Variants in CCDC150 observed in about 807,000 individuals in gnomAD.
CCDC150 encodes the protein coiled-coil domain containing 150.
CCDC150 carries 151 observed loss-of-function variants against 156.5 expected under a neutral mutation model. The observed-to-expected ratio is 0.97, with a 90% confidence interval of 0.85 to 1.10. The LOEUF (loss-of-function observed/expected upper bound fraction) is 1.10. Ranked by LOEUF, CCDC150 falls within the 50% of genes least tolerant of loss-of-function variation. The pLI, the probability that CCDC150 is intolerant of heterozygous loss-of-function variation, is 0.00. For synonymous variants in CCDC150, 452 were observed against 429.4 expected, an observed-to-expected ratio of 1.05 and a Z score of -0.65; for missense variants, 1,312 against 1,268.1, an observed-to-expected ratio of 1.03 and a Z score of -0.53.
At chr2:196,726,334 G>A (rs1308892418) in intron 22 of CCDC150, 1 of 405,474 alleles carries the variant, frequency 2.5e-6, no homozygotes, top group Non-Finnish European at 4.6e-6. Flanking sequence ...AGAGTGATAA[G>A]CAAGAGGGAT....
intron 2 of CCDC150, among the ~76,000 whole-genome samples, chr2:196,653,963 A>G (rs1041329251): frequency 6.6e-6 from 1 of 152,198 alleles, no homozygotes; most frequent in Non-Finnish European, 1.5e-5. Context: ...TGGAAGGCAA[A>G]GGGGGAGCAG....
Position 196,732,476 on chromosome 2 carries a change from A to G in CCDC150, c.3220A>G (p.Asn1074Asp). The G allele has an allele frequency of 6.2e-7, 1 of 1,613,670 alleles. No individual in the cohort carries two copies. Among genetic ancestry groups the G allele is most frequent in the Non-Finnish European group, 8.5e-7 (1 of 1,179,676 alleles). Reference sequence around the variant, plus strand: ...AGATGTAAAACATGATGTCATGTCCAACCAATCTGTTCTGCATCGATGGGA... The same window carrying G: ...AGATGTAAAACATGATGTCATGTCCGACCAATCTGTTCTGCATCGATGGGA... ...DQDVKHDVMSNQSVLHRWERK... is the reference protein window; with the variant it reads ...DQDVKHDVMSDQSVLHRWERK... Residue 1074 changes from asparagine (N) to aspartate (D), a missense_variant, in exon 28 of 28, where the codon AAC (asparagine) becomes GAC (aspartate). Physicochemically the swap from Asn to Asp is conservative, Grantham distance 23 (BLOSUM62 1). Coordinates refer to ENST00000389175, the MANE Select transcript of CCDC150 (RefSeq NM_001080539.2).
chr2:196,702,518 C>A (rs1354952282), intron 15 of CCDC150, among the ~76,000 whole-genome samples: 3 of 151,918 alleles, frequency 2.0e-5, no homozygotes, highest in African/African-American at 7.3e-5. Flanking sequence ...CAGCACCATA[C>A]CCAGCCAAGT....
intron 15 of CCDC150, among the ~76,000 whole-genome samples, chr2:196,709,381 G>GT (rs1181980235): frequency 6.6e-6 from 1 of 152,078 alleles, no homozygotes; most frequent in Non-Finnish European, 1.5e-5. Flanking sequence ...TCTCTACACT[G>GT]TTTTTTCTAG....
At chr2:196,666,942 G>C in intron 7 of CCDC150, 94 bp downstream of exon 7, 1 of 1,366,312 alleles carries the variant, frequency 7.3e-7, no homozygotes, top group Non-Finnish European at 1.0e-6. Context: ...AGTGGCCAGT[G>C]TTATTGGTAT....
At chr2:196,676,376 T>G in intron 11 of CCDC150, 109 bp downstream of exon 11, 8 of 1,448,612 alleles carry the variant, frequency 5.5e-6, no homozygotes, top group Non-Finnish European at 7.5e-6. Context: ...GATTCTGCAT[T>G]TTTTGGGCCA....
intron 13 of CCDC150, among the ~76,000 whole-genome samples, chr2:196,686,939 T>C (rs1326730950): frequency 6.6e-6 from 1 of 152,204 alleles, no homozygotes; most frequent in Non-Finnish European, 1.5e-5. Context: ...GGACGTGATC[T>C]CATTCTTTTT....
At chr2:196,699,853 G>A (rs1696091243) in intron 14 of CCDC150, among the ~76,000 whole-genome samples, 1 of 152,136 alleles carries the variant, frequency 6.6e-6, no homozygotes, top group Non-Finnish European at 1.5e-5. Context: ...ATCTTGAACA[G>A]AGGAAAATAT....
chr2:196,713,631 C>A, intron 17 of CCDC150: 2 of 1,465,492 alleles, frequency 1.4e-6, no homozygotes, highest in South Asian at 1.5e-5. Flanking sequence ...GAGATTCTAG[C>A]CTCAAGACCT....
At chr2:196,712,432 A>G (rs1203637392) in intron 16 of CCDC150, 180 bp downstream of exon 16, 2 of 569,298 alleles carry the variant, frequency 3.5e-6, no homozygotes, top group Non-Finnish European at 6.3e-6. Context: ...AAAGCCTCAG[A>G]AATTGTAAAG....
intron 15 of CCDC150, 123 bp downstream of exon 15, chr2:196,701,303 A>G (rs1696189272): frequency 1.4e-6 from 1 of 701,970 alleles, no homozygotes. Flanking sequence ...GTCTCTGAAC[A>G]TCCTTAAGTT....
intron 2 of CCDC150, among the ~76,000 whole-genome samples, chr2:196,648,545 C>T (rs945805910): frequency 2.6e-5 from 4 of 152,086 alleles, no homozygotes; most frequent in African/African-American, 9.7e-5. Context: ...AGTCCTTTAT[C>T]AGATGTATGA....
chr2:196,724,265 A>G (rs1366822553), intron 21 of CCDC150, among the ~76,000 whole-genome samples: 1 of 150,178 alleles, frequency 6.7e-6, no homozygotes, highest in Non-Finnish European at 1.5e-5. Context: ...CTCATGTTAA[A>G]TGTTCTTACC....
intron 1 of CCDC150, among the ~76,000 whole-genome samples, chr2:196,645,793 G>A (rs929810522): frequency 6.6e-6 from 1 of 152,184 alleles, no homozygotes; most frequent in African/African-American, 2.4e-5. Flanking sequence ...AGGATACATA[G>A]TTGGTAAGTC....
intron 5 of CCDC150, among the ~76,000 whole-genome samples, chr2:196,661,746 A>C (rs911557025): frequency 3.3e-5 from 5 of 152,366 alleles, no homozygotes; most frequent in Admixed American, 2.0e-4. Flanking sequence ...TGCCCTTAAT[A>C]GTACTTCAGA....
At position 196,676,714 on chromosome 2, in the gene CCDC150, GAA is replaced by G. The variant is rs1262204649; in HGVS notation, c.1425_1426del (p.Arg476IlefsTer6). 6.2e-7 allele frequency: 1 copy of G among 1,612,902 alleles called. No homozygotes were observed. Among genetic ancestry groups the G allele is most frequent in the African/African-American group, 1.3e-5 (1 of 74,900 alleles). ...QEKKSLLEEK[E>X]RFQREVNKTE... ...GAAGAAGTCTCTGCTAGAGGAGAAA[GAA>G]AGATTTCAGAGGGAGGTAGGTAGAA... On this transcript the variant is annotated frameshift_variant, in exon 12 of 28. Transcript: ENST00000389175. LOFTEE classifies it high-confidence loss of function.
In CCDC150 at chr2:196,721,595, C is replaced by A; in HGVS notation, c.2333C>A (p.Ala778Asp). The A allele has an allele frequency of 6.2e-7, 1 of 1,607,894 alleles. No homozygotes were observed. The highest frequency in any genetic ancestry group is 8.5e-7 in the Non-Finnish European group (1 of 1,177,240). ...AAACTTGCTATGAGTCTGGAACAAGCTCTCCAGACAAATAATCATCTGCAA... is the reference window on the plus strand; with the variant it reads ...AAACTTGCTATGAGTCTGGAACAAGATCTCCAGACAAATAATCATCTGCAA... ...NRKLAMSLEQ[A>D]LQTNNHLQTK... Residue 778 changes from alanine to aspartate, a missense_variant, in exon 21 of 28, where the codon GCT (alanine) becomes GAT (aspartate). Coordinates refer to ENST00000389175, the MANE Select transcript of CCDC150 (RefSeq NM_001080539.2).
chr2:196,673,816 T>C (rs1694346139), intron 9 of CCDC150, among the ~76,000 whole-genome samples: 3 of 152,182 alleles, frequency 2.0e-5, no homozygotes, highest in Admixed American at 2.0e-4. Flanking sequence ...ATATTTTGCT[T>C]TTATGAATAT....
chr2:196,721,633 C>A lies in CCDC150; in HGVS notation c.2371C>A (p.His791Asn). The stretch of plus-strand genomic sequence containing the variant: ...TAATCATCTGCAAACAAAGCTAGAT[C>A]ACATTCAAGAGCAATTGGAAAGCAA... ...TNNHLQTKLD[H>N]IQEQLESKEL... is the part of the protein sequence containing the mutation. Residue 791 changes from histidine to asparagine, a missense_variant, in exon 21 of 28, where the codon CAC (histidine) becomes AAC (asparagine). By Grantham distance (68) the His-to-Asn change is moderately conservative (BLOSUM62 1). Transcript: ENST00000389175. The A allele has an allele frequency of 6.2e-7, 1 of 1,604,486 alleles. No homozygotes were observed. Among genetic ancestry groups the A allele is most frequent in the East Asian group, 2.2e-5 (1 of 44,620 alleles).
Sources: allele counts gnomAD v4.1 joint callset (sites outside exome capture counted in the v4.1 genomes callset), GRCh38; gene constraint gnomAD v4.1.1; transcripts MANE v1.5; gene names NCBI Gene and HGNC (gene_info 2026-07-23, HGNC 2026-07-21).